The following GRM5 variants were observed in gnomAD, a reference collection of about 807,000 sequenced individuals.
The protein encoded by GRM5 is glutamate metabotropic receptor 5, also known as metabotropic glutamate receptor 5.
GRM5 carries 19 observed loss-of-function variants against 83.1 expected under a neutral mutation model. That is an observed-to-expected ratio of 0.23 (90% CI 0.16 to 0.34). The LOEUF (loss-of-function observed/expected upper bound fraction) is 0.34. Ranked by LOEUF, GRM5 falls within the 10% of genes least tolerant of loss-of-function variation. The probability of loss-of-function intolerance (pLI) is 1.00; values close to 1 mark genes in which losing one functional copy is unlikely to be tolerated. For missense variants in GRM5, 1,160 were observed against 1,588.3 expected, an observed-to-expected ratio of 0.73 and a Z score of 4.58; for synonymous variants, 675 against 633.6, an observed-to-expected ratio of 1.07 and a Z score of -0.98.
intron 7 of GRM5, among the ~76,000 whole-genome samples, chr11:88,569,311 T>C (rs1258153454): frequency 6.6e-6 from 1 of 152,112 alleles, no homozygotes; most frequent in African/African-American, 2.4e-5. Flanking sequence ...ACTGAGTAAG[T>C]AGGAAAGGAG....
chr11:88,807,210 G>GA (rs1943513366), intron 3 of GRM5, among the ~76,000 whole-genome samples: 1 of 152,076 alleles, frequency 6.6e-6, no homozygotes, highest in African/African-American at 2.4e-5. Context: ...TGAATGGGTG[G>GA]AAAATGTCAG....
chr11:88,621,497 T>C (rs1438938860), intron 4 of GRM5, among the ~76,000 whole-genome samples: 1 of 152,146 alleles, frequency 6.6e-6, no homozygotes, highest in Non-Finnish European at 1.5e-5. Context: ...TTGTGAGAAT[T>C]AGAGATAATA....
At chr11:89,026,954 TG>T (rs928224973) in intron 2 of GRM5, among the ~76,000 whole-genome samples, 3 of 152,150 alleles carry the variant, frequency 2.0e-5, no homozygotes, top group African/African-American at 7.2e-5. Context: ...TGATTGCACA[TG>T]GGACAGAAGA....
At chr11:88,673,287 G>A (rs1940237753) in intron 3 of GRM5, among the ~76,000 whole-genome samples, 1 of 151,906 alleles carries the variant, frequency 6.6e-6, no homozygotes, top group Non-Finnish European at 1.5e-5. Flanking sequence ...TGAGGACAAA[G>A]AGGCAGGGTT....
intron 1 of GRM5, among the ~76,000 whole-genome samples, chr11:89,058,713 G>C (rs1312307569): frequency 6.6e-6 from 1 of 152,098 alleles, no homozygotes; most frequent in African/African-American, 2.4e-5. Context: ...TAAGAGTCAA[G>C]GTTGATATTA....
chr11:88,649,740 G>A (rs987877099), intron 4 of GRM5, among the ~76,000 whole-genome samples: 2 of 151,326 alleles, frequency 1.3e-5, no homozygotes, highest in African/African-American at 2.4e-5. Flanking sequence ...AAGGTGAAAT[G>A]AAAATGTTCT....
chr11:88,819,948 A>G (rs1335238586), intron 3 of GRM5, among the ~76,000 whole-genome samples: 1 of 152,138 alleles, frequency 6.6e-6, no homozygotes, highest in East Asian at 1.9e-4. Context: ...ACCCATTTCC[A>G]TTATAATATA....
chr11:88,585,488 C>G (rs1487468239), intron 7 of GRM5, among the ~76,000 whole-genome samples: 2 of 152,146 alleles, frequency 1.3e-5, no homozygotes, highest in African/African-American at 4.8e-5. Context: ...CCATAGTTTA[C>G]CAGGCTCCCC....
chr11:88,721,810 AATC>A (rs1941546817), intron 3 of GRM5, among the ~76,000 whole-genome samples: 1 of 152,176 alleles, frequency 6.6e-6, no homozygotes, highest in South Asian at 2.1e-4. Flanking sequence ...CTTTTACTGA[AATC>A]ATCAAATATG....
chr11:88,710,405 C>T (rs930451484), intron 3 of GRM5, among the ~76,000 whole-genome samples: 4 of 152,196 alleles, frequency 2.6e-5, no homozygotes, highest in East Asian at 3.9e-4. Context: ...GGGCCTGCCT[C>T]GCTAGGGAGA....
At chr11:89,012,143 G>A (rs549901685) in intron 2 of GRM5, among the ~76,000 whole-genome samples, 2 of 152,172 alleles carry the variant, frequency 1.3e-5, no homozygotes, top group East Asian at 3.9e-4. Flanking sequence ...GACAAAAGAA[G>A]AAACAAATAA....
At chr11:89,008,742 T>C (rs1159169860) in intron 2 of GRM5, among the ~76,000 whole-genome samples, 3 of 152,060 alleles carry the variant, frequency 2.0e-5, no homozygotes, top group East Asian at 1.9e-4. Flanking sequence ...TTCAAACTCA[T>C]GAAAAAAATG....
At chr11:88,658,237 G>A (rs1184296441) in intron 3 of GRM5, among the ~76,000 whole-genome samples, 1 of 152,146 alleles carries the variant, frequency 6.6e-6, no homozygotes, top group Non-Finnish European at 1.5e-5. Context: ...AGTCCCTGGT[G>A]CCAAAAACGT....
chr11:88,804,834 G>A (rs1943472060), intron 3 of GRM5, among the ~76,000 whole-genome samples: 2 of 152,138 alleles, frequency 1.3e-5, no homozygotes, highest in Non-Finnish European at 2.9e-5. Flanking sequence ...TAGGAGGGTG[G>A]CAGAGGATGA....
At chr11:88,891,201 G>C (rs1162668582) in intron 2 of GRM5, among the ~76,000 whole-genome samples, 1 of 152,018 alleles carries the variant, frequency 6.6e-6, no homozygotes, top group Non-Finnish European at 1.5e-5. Context: ...AATCAAATTG[G>C]GGTTAACATT....
At chr11:88,855,178 G>A (rs1007946829) in intron 2 of GRM5, among the ~76,000 whole-genome samples, 1 of 151,552 alleles carries the variant, frequency 6.6e-6, no homozygotes, top group African/African-American at 2.4e-5. Context: ...TTTTTTCATA[G>A]TATCTTTACT....
chr11:88,929,922 GTTTGC>G (rs1387838192), intron 2 of GRM5, among the ~76,000 whole-genome samples: 3 of 152,038 alleles, frequency 2.0e-5, no homozygotes, highest in Admixed American at 2.0e-4. Flanking sequence ...TGTTTCCCAA[GTTTGC>G]TTTAAAGTAA....
Position 88,926,672 on chromosome 11 carries a change from T to C in GRM5, c.662-76517A>G, listed in dbSNP as rs577065179. On this transcript the variant is annotated intron_variant, in intron 2 of 9. Coordinates refer to ENST00000305447, the MANE Select transcript of GRM5 (RefSeq NM_001143831.3). Reference sequence around the variant, plus strand: ...TTTCAAAATGACTGTTTTTGATTTGTTTTCCCAGATCTTACAGTATGCTCC... The same window carrying C: ...TTTCAAAATGACTGTTTTTGATTTGCTTTCCCAGATCTTACAGTATGCTCC... 2.7e-4 allele frequency among the ~76,000 whole-genome samples: 41 copies of C among 152,338 alleles called. No homozygotes were observed. In the South Asian group the frequency reaches 8.3e-3, roughly 31 times the overall value.
intron 4 of GRM5, among the ~76,000 whole-genome samples, chr11:88,624,351 G>C (rs2135261510): frequency 6.6e-6 from 1 of 152,242 alleles, no homozygotes; most frequent in South Asian, 2.1e-4. Flanking sequence ...AGAATCACCA[G>C]ATGAATTTTC....
Sources: gnomAD v4.1 joint callset for allele counts (sites outside exome capture counted in the v4.1 genomes callset) on GRCh38, gnomAD v4.1.1 for gene constraint, MANE v1.5 for transcripts, NCBI Gene and HGNC (gene_info 2026-07-23, HGNC 2026-07-21) for gene names.